Variants in AK5 observed in about 807,000 individuals in gnomAD.
The protein encoded by AK5 is adenylate kinase isoenzyme 5.
Under a neutral mutation model 69.5 loss-of-function variants are expected in AK5, and 27 were observed. The observed-to-expected ratio is 0.39, with a 90% CI of 0.29 to 0.54. The LOEUF is 0.54. Among genes scored for constraint, AK5 ranks in the 20% least tolerant of loss-of-function variants. AK5 has a pLI of 0.71. For missense variants in AK5, 531 were observed against 700.4 expected (o/e 0.76, Z 2.73); for synonymous variants, 260 against 244.4 (o/e 1.06, Z -0.60).
rs574890065 is a variant in AK5, at chr1:77,316,183, G to A, written c.699+18236G>A. Among the ~76,000 whole-genome samples the A allele has an allele frequency of 6.6e-5, 10 of 152,238 alleles. No homozygotes were observed. In the South Asian group the frequency reaches 2.1e-3, roughly 32 times the overall value. On this transcript the variant is annotated intron_variant, in intron 5 of 13. Coordinates refer to ENST00000354567, the MANE Select transcript of AK5 (RefSeq NM_174858.3). ...AGTTGCATTCCTTCTGGCTTCTTGAGTAAGACAGAAAGGACTCCAGGAATT... is the reference window on the plus strand; with the variant it reads ...AGTTGCATTCCTTCTGGCTTCTTGAATAAGACAGAAAGGACTCCAGGAATT...
chr1:77,355,868 TACACACACACACAC>T lies in AK5; in HGVS notation c.891+15324_891+15337del, dbSNP rs66682700. The stretch of plus-strand genomic sequence containing the variant: ...GAATTTTTTGATGACCCTCATTAAA[TACACACACACACAC>T]ACACACACACACACACACACACATA... On this transcript the variant is annotated intron_variant, in intron 6 of 13. Coordinates refer to ENST00000354567, the MANE Select transcript of AK5 (RefSeq NM_174858.3). Among the ~76,000 whole-genome samples the T allele has an allele frequency of 1.3e-4, 19 of 146,246 alleles. No homozygotes were observed. In the South Asian group the frequency reaches 2.4e-3, roughly 19 times the overall value.
intron 13 of AK5, among the ~76,000 whole-genome samples, chr1:77,558,068 C>CT: frequency 6.6e-6 from 1 of 151,978 alleles, no homozygotes; most frequent in Admixed American, 6.6e-5. Flanking sequence ...TTCCCCTGTC[C>CT]ATCTGGATAT....
chr1:77,333,036 C>G (rs1038402088), intron 5 of AK5, among the ~76,000 whole-genome samples: 2 of 151,670 alleles, frequency 1.3e-5, no homozygotes, highest in Admixed American at 6.6e-5. Context: ...AACCTTTTAT[C>G]ATAATGACAT....
intron 12 of AK5, among the ~76,000 whole-genome samples, chr1:77,533,431 G>T (rs1203126264): frequency 1.3e-5 from 2 of 148,268 alleles, no homozygotes; most frequent in African/African-American, 5.0e-5. Context: ...CAGGAGGATT[G>T]CTTGAACCTG....
At chr1:77,493,181 GT>G (rs1656097967) in intron 10 of AK5, among the ~76,000 whole-genome samples, 1 of 152,166 alleles carries the variant, frequency 6.6e-6, no homozygotes, top group African/African-American at 2.4e-5. Flanking sequence ...AGTGGACTGA[GT>G]AAGGAAGATC....
At chr1:77,352,604 ATG>A (rs1557520069) in intron 6 of AK5, among the ~76,000 whole-genome samples, 4 of 152,222 alleles carry the variant, frequency 2.6e-5, no homozygotes, top group Non-Finnish European at 5.9e-5. Flanking sequence ...TTGAGAAGCA[ATG>A]ATACCTGTTA....
chr1:77,297,555 C>G lies in AK5; in HGVS notation c.416-4C>G. 1.3e-6 allele frequency: 2 copies of G among 1,595,606 alleles called. No individual in the cohort carries two copies. The highest frequency in any genetic ancestry group is 1.7e-6 in the Non-Finnish European group (2 of 1,173,254). On this transcript the variant is annotated splice_region_variant and splice_polypyrimidine_tract_variant and intron_variant, in intron 3 of 13. Transcript: ENST00000354567. ...ATCACAGTTTTGCCTGTTTTAAATA[C>G]TAGGTGGTCCAGGAAGTGGAAAGGG... is the stretch of plus-strand genomic sequence containing the variant.
At chr1:77,435,628 G>C (rs959453862) in intron 8 of AK5, among the ~76,000 whole-genome samples, 2 of 147,032 alleles carry the variant, frequency 1.4e-5, no homozygotes, top group East Asian at 2.0e-4. Flanking sequence ...CCTGGTGACA[G>C]AGCAAGACTC....
intron 1 of AK5, among the ~76,000 whole-genome samples, chr1:77,286,354 T>C (rs960768278): frequency 2.7e-5 from 4 of 149,904 alleles, no homozygotes; most frequent in Non-Finnish European, 5.9e-5. Context: ...TGAATGGCTC[T>C]TCCATTTTAA....
At chr1:77,368,189 T>C (rs540494284) in intron 6 of AK5, among the ~76,000 whole-genome samples, 1 of 117,896 alleles carries the variant, frequency 8.5e-6, no homozygotes, top group African/African-American at 2.9e-5. Flanking sequence ...GTCATTATGA[T>C]TTGACCTTAC....
At chr1:77,442,381 G>A (rs979390250) in intron 8 of AK5, among the ~76,000 whole-genome samples, 2 of 152,220 alleles carry the variant, frequency 1.3e-5, no homozygotes, top group Non-Finnish European at 2.9e-5. Flanking sequence ...TGGACTCCAG[G>A]CAGCTCCTTC....
chr1:77,362,389 T>A (rs1442827994), intron 6 of AK5, among the ~76,000 whole-genome samples: 1 of 152,160 alleles, frequency 6.6e-6, no homozygotes, highest in African/African-American at 2.4e-5. Flanking sequence ...AAACCGCCAT[T>A]ATCTGTCCAA....
chr1:77,447,679 G>C (rs1441268291), intron 8 of AK5, among the ~76,000 whole-genome samples: 1 of 152,182 alleles, frequency 6.6e-6, no homozygotes, highest in Non-Finnish European at 1.5e-5. Context: ...AATCATTTGT[G>C]ATAACACAAT....
intron 12 of AK5, among the ~76,000 whole-genome samples, chr1:77,522,733 T>C (rs1658061616): frequency 6.6e-6 from 1 of 152,110 alleles, no homozygotes. Flanking sequence ...CCACACTTTA[T>C]AGAGAGTACC....
At chr1:77,302,878 C>T (rs1449825757) in intron 5 of AK5, among the ~76,000 whole-genome samples, 1 of 152,150 alleles carries the variant, frequency 6.6e-6, no homozygotes, top group African/African-American at 2.4e-5. Flanking sequence ...ACATGACCTG[C>T]CTCCCAAGTT....
chr1:77,546,975 C>A (rs2100386172), intron 13 of AK5, among the ~76,000 whole-genome samples: 1 of 152,246 alleles, frequency 6.6e-6, no homozygotes, highest in East Asian at 1.9e-4. Flanking sequence ...AGATGAAGTG[C>A]CAAATAGATG....
chr1:77,429,544 C>A (rs1213041003), intron 8 of AK5, among the ~76,000 whole-genome samples: 1 of 152,128 alleles, frequency 6.6e-6, no homozygotes, highest in East Asian at 1.9e-4. Flanking sequence ...TATCATAGAG[C>A]TTATAGTAGA....
chr1:77,530,613 G>T (rs767827571), intron 12 of AK5, among the ~76,000 whole-genome samples: 2 of 152,110 alleles, frequency 1.3e-5, no homozygotes, highest in Non-Finnish European at 2.9e-5. Flanking sequence ...AATAACATTA[G>T]CTCCCATTTA....
intron 6 of AK5, among the ~76,000 whole-genome samples, chr1:77,358,155 A>C (rs1189410662): frequency 6.6e-6 from 1 of 152,092 alleles, no homozygotes; most frequent in African/African-American, 2.4e-5. Flanking sequence ...AGAAATAACC[A>C]TTGTTATCAT....
Sources: gnomAD v4.1 joint callset for allele counts (sites outside exome capture counted in the v4.1 genomes callset) on GRCh38, gnomAD v4.1.1 for gene constraint, MANE v1.5 for transcripts, NCBI Gene and HGNC (gene_info 2026-07-23, HGNC 2026-07-21) for gene names.